EFHD1: variants seen among roughly 807,000 people sequenced by gnomAD.
EFHD1 encodes EF-hand domain family member D1.
In EFHD1, 10 loss-of-function variants were observed where a neutral mutation model predicts 17.2. The ratio of observed to expected loss-of-function variants is 0.58; its 90% CI spans 0.36 to 0.99. EFHD1 has a LOEUF of 0.99. Among genes scored for constraint, EFHD1 ranks in the 50% least tolerant of loss-of-function variants. The pLI, the probability that EFHD1 is intolerant of heterozygous loss-of-function variation, is 0.01. For synonymous variants in EFHD1, 153 were observed against 142.0 expected, an observed-to-expected ratio of 1.08 and a Z score of -0.55; for missense variants, 310 against 327.5, an observed-to-expected ratio of 0.95 and a Z score of 0.41.
At position 232,681,716 on chromosome 2, in the gene EFHD1, A is replaced by T. The variant is rs1485397452; in HGVS notation, c.717A>T (p.Thr239=). The T allele has an allele frequency of 2.5e-6, 4 of 1,613,852 alleles. No homozygotes were observed. The highest frequency in any genetic ancestry group is 3.4e-6 in the Non-Finnish European group (4 of 1,179,938). Residue 239 remains threonine (T), a synonymous_variant, in exon 4 of 4, where the codon ACA becomes ACT. Transcript: ENST00000264059. ...AFQKLKANFN[T] The stretch of plus-strand genomic sequence containing the variant: ...AGAAACTCAAGGCCAACTTCAATAC[A>T]TAGTCCTGCTGACCTTGCCCTCTGC...
At chr2:232,627,057 TATATATA>T (rs1277944494) in intron 1 of EFHD1, among the ~76,000 whole-genome samples, 96 of 120,870 alleles carry the variant, frequency 7.9e-4, no homozygotes, top group African/African-American at 2.8e-3. Context: ...TATATATATA[TATATATA>T]TTTTTTTTTT....
chr2:232,622,035 T>C (rs1370156276), intron 1 of EFHD1, among the ~76,000 whole-genome samples: 1 of 152,238 alleles, frequency 6.6e-6, no homozygotes, highest in Non-Finnish European at 1.5e-5. Context: ...CCAAACTTCC[T>C]TAAGAAATGC....
At chr2:232,628,053 A>G (rs1003631179) in intron 1 of EFHD1, among the ~76,000 whole-genome samples, 1 of 152,104 alleles carries the variant, frequency 6.6e-6, no homozygotes, top group African/African-American at 2.4e-5. Flanking sequence ...ACAATGTTTT[A>G]TTTATTTACA....
chr2:232,631,771 G>A (rs1694207690), upstream of EFHD1, among the ~76,000 whole-genome samples: 1 of 150,948 alleles, frequency 6.6e-6, no homozygotes, highest in African/African-American at 2.4e-5. Context: ...GGAGGCCGAG[G>A]TGGGAGGATC....
At chr2:232,656,209 T>G (rs1694759226) in intron 1 of EFHD1, among the ~76,000 whole-genome samples, 1 of 152,096 alleles carries the variant, frequency 6.6e-6, no homozygotes, top group Non-Finnish European at 1.5e-5. Flanking sequence ...CAGACCATGA[T>G]GAGGTGGGTA....
At chr2:232,620,686 C>T (rs1338951329) in intron 1 of EFHD1, among the ~76,000 whole-genome samples, 1 of 152,080 alleles carries the variant, frequency 6.6e-6, no homozygotes, top group African/African-American at 2.4e-5. Flanking sequence ...TCTAAGTGTA[C>T]ATAATTAAAT....
At chr2:232,623,867 C>A (rs4524114) in intron 1 of EFHD1, among the ~76,000 whole-genome samples, 2,295 of 152,272 alleles carry the variant, frequency 0.015, 32 homozygotes, top group Middle Eastern at 0.027. Context: ...CCTGGCCCCC[C>A]AGGTGAGAGC....
At chr2:232,673,905 TTC>T (rs1247510867) in intron 3 of EFHD1, among the ~76,000 whole-genome samples, 2 of 142,832 alleles carry the variant, frequency 1.4e-5, no homozygotes, top group Non-Finnish European at 3.1e-5. Context: ...TTAAGACTTC[TTC>T]TTTTTTTTTT....
rs140598614 is a variant in EFHD1 at position 232,624,474 on chromosome 2, C to G, written c.14+18301C>G. Among the ~76,000 whole-genome samples the G allele has an allele frequency of 7.5e-3, 1,150 of 152,376 alleles. 13 individuals carry two copies. Among genetic ancestry groups the G allele is most frequent in the African/African-American group, 0.025 (1,055 of 41,594 alleles). ...CTCTGATTCTCTGCCAGGAATTTCT[C>G]CAGCAGCTGTGCCAACACAGGGGCT... is the stretch of plus-strand genomic sequence containing the variant. On this transcript the variant is annotated intron_variant, in intron 1 of 3. Transcript: ENST00000409613.
At chr2:232,673,784 G>GGA (rs1695121319) in intron 3 of EFHD1, among the ~76,000 whole-genome samples, 1 of 152,066 alleles carries the variant, frequency 6.6e-6, no homozygotes, top group Non-Finnish European at 1.5e-5. Flanking sequence ...CACCCAGGCT[G>GGA]GAGTGCAGTG....
At chr2:232,630,163 T>C (rs1694177508), upstream of EFHD1, among the ~76,000 whole-genome samples, 1 of 152,070 alleles carries the variant, frequency 6.6e-6, no homozygotes, top group Admixed American at 6.6e-5. Context: ...TTGTCTAGGC[T>C]GGTCTTGCAC....
intron 3 of EFHD1, among the ~76,000 whole-genome samples, chr2:232,674,109 A>G (rs111829140): frequency 0.075 from 11,431 of 152,140 alleles, 604 homozygotes; most frequent in African/African-American, 0.15. Context: ...GGGTTTCACG[A>G]TATTGGCCAT....
At chr2:232,665,666 C>A (rs976599631) in intron 2 of EFHD1, among the ~76,000 whole-genome samples, 1 of 152,204 alleles carries the variant, frequency 6.6e-6, no homozygotes, top group Non-Finnish European at 1.5e-5. Flanking sequence ...AGGCAGTCCA[C>A]CTGCTTTGGC....
intron 1 of EFHD1, among the ~76,000 whole-genome samples, chr2:232,635,133 G>T (rs930159702): frequency 1.3e-5 from 2 of 152,182 alleles, no homozygotes; most frequent in South Asian, 2.1e-4. Flanking sequence ...GCGTTTTCTG[G>T]GTCTAGTTTG....
chr2:232,667,525 TTTAA>T (rs763407536), intron 2 of EFHD1, among the ~76,000 whole-genome samples: 10 of 150,824 alleles, frequency 6.6e-5, no homozygotes, highest in South Asian at 4.2e-4. Flanking sequence ...CTTATTTTAT[TTTAA>T]TTAATTAATT....
At chr2:232,636,349 CT>C (rs1694320205) in intron 1 of EFHD1, among the ~76,000 whole-genome samples, 1 of 152,166 alleles carries the variant, frequency 6.6e-6, no homozygotes, top group South Asian at 2.1e-4. Context: ...TTTAAAAGCT[CT>C]GTGCCATCAG....
At chr2:232,674,828 G>C (rs192451076) in intron 3 of EFHD1, among the ~76,000 whole-genome samples, 1 of 152,096 alleles carries the variant, frequency 6.6e-6, no homozygotes, top group African/African-American at 2.4e-5. Flanking sequence ...CGTTGTGATC[G>C]TGGGAACACC....
rs1179186458 is a variant in EFHD1 at position 232,634,016 on chromosome 2, C to G, written c.302+10C>G. On this transcript the variant is annotated intron_variant, in intron 1 of 3. Transcript: ENST00000264059. ...AGAGCATGTTCAAACTGTGAGCTCC[C>G]GCTGCGCGCCCTTCGCCCCCGGGAC... 6.3e-7 allele frequency: 1 copy of G among 1,596,780 alleles called. No homozygotes were observed. Among genetic ancestry groups the G allele is most frequent in the East Asian group, 2.2e-5 (1 of 44,516 alleles).
chr2:232,631,142 G>A (rs189723626), upstream of EFHD1, among the ~76,000 whole-genome samples: 686 of 152,038 alleles, frequency 4.5e-3, 25 homozygotes, highest in East Asian at 0.076. Context: ...CAGGTGAATC[G>A]CTTGAACCTG....
Sources: gnomAD v4.1 joint callset for allele counts (sites outside exome capture counted in the v4.1 genomes callset) on GRCh38, gnomAD v4.1.1 for gene constraint, MANE v1.5 for transcripts, NCBI Gene and HGNC (gene_info 2026-07-23, HGNC 2026-07-21) for gene names.